The following CELF2 variants were observed in gnomAD, a reference collection of about 807,000 sequenced individuals.
CELF2 encodes CUGBP Elav-like family member 2, also known as CUG triplet repeat RNA-binding protein 2.
In CELF2, 8 loss-of-function variants were observed where a neutral mutation model predicts 62.6. The ratio of observed to expected loss-of-function variants is 0.13; its 90% CI spans 0.07 to 0.23. The LOEUF (loss-of-function observed/expected upper bound fraction) is 0.23, where lower values mean the gene tolerates loss of function less well. Ranked by LOEUF, CELF2 falls within the 10% of genes least tolerant of loss-of-function variation. CELF2 has a pLI of 1.00. For synonymous variants in CELF2, 258 were observed against 250.0 expected, an observed-to-expected ratio of 1.03 and a Z score of -0.30; for missense variants, 333 against 671.0, an observed-to-expected ratio of 0.50 and a Z score of 5.56.
chr10:11,097,058 T>C (rs150315555), intron 1 of CELF2, among the ~76,000 whole-genome samples: 324 of 152,326 alleles, frequency 2.1e-3, no homozygotes, highest in African/African-American at 7.6e-3. Flanking sequence ...AAAATGTGGC[T>C]GGAGGAGTAG....
At position 11,005,336 on chromosome 10, in the gene CELF2, T is replaced by C; in HGVS notation, c.-52T>C. On this transcript the variant is annotated 5_prime_UTR_variant, in exon 1 of 13. Coordinates refer to the CELF2 transcript ENST00000416382. This position sits in a 1 kb window ranked among gnomAD's most constrained non-coding sequence, Gnocchi z 4.3. ...TAGTGAGCAGCGACTGTGGCATTGA[T>C]GTTTGAGCATACTTCTGAACTGGCT... The C allele has an allele frequency of 6.2e-7, 1 of 1,611,644 alleles. No individual in the cohort carries two copies. Among genetic ancestry groups the C allele is most frequent in the Non-Finnish European group, 8.5e-7 (1 of 1,178,844 alleles).
the CELF2 span, among the ~76,000 whole-genome samples, chr10:10,671,699 C>A: frequency 6.6e-6 from 1 of 150,496 alleles, no homozygotes; most frequent in Non-Finnish European, 1.5e-5. Flanking sequence ...TGTGGTGAAT[C>A]TTTTCAAATG....
chr10:11,015,093 A>T (rs1237580450), upstream of CELF2, among the ~76,000 whole-genome samples: 1 of 152,194 alleles, frequency 6.6e-6, no homozygotes, highest in Non-Finnish European at 1.5e-5. The surrounding 1 kb of genome is among the most constrained non-coding windows in gnomAD (Gnocchi z 4.8). Flanking sequence ...CGAGCGTTCA[A>T]CAGCGGCCCC....
chr10:10,753,524 T>A, the CELF2 span, among the ~76,000 whole-genome samples: 3 of 152,292 alleles, frequency 2.0e-5, no homozygotes, highest in Non-Finnish European at 4.4e-5. Context: ...AATGGTGTCA[T>A]GAAAAGTGAG....
At chr10:10,804,840 A>G (rs1726009453) in intron 1 of CELF2, among the ~76,000 whole-genome samples, 3 of 152,170 alleles carry the variant, frequency 2.0e-5, no homozygotes, top group Non-Finnish European at 1.5e-5. Context: ...CATGCCGGGA[A>G]GTCTCCTAAG....
At chr10:10,765,966 C>A in the CELF2 span, among the ~76,000 whole-genome samples, 2 of 152,162 alleles carry the variant, frequency 1.3e-5, no homozygotes, top group African/African-American at 4.8e-5. Flanking sequence ...ACTGGGCCAC[C>A]CTCCCAGCTC....
At chr10:10,717,885 C>A in the CELF2 span, among the ~76,000 whole-genome samples, 1 of 151,956 alleles carries the variant, frequency 6.6e-6, no homozygotes, top group Non-Finnish European at 1.5e-5. Flanking sequence ...GGAAAATTTT[C>A]TTTGTTCCCA....
chr10:10,622,991 CAGG>C, the CELF2 span, among the ~76,000 whole-genome samples: 3 of 143,466 alleles, frequency 2.1e-5, no homozygotes, highest in Non-Finnish European at 4.5e-5. Flanking sequence ...GAGGCTGAGG[CAGG>C]AGAATGGCCT....
At chr10:11,210,734 A>G (rs2061587728) in intron 2 of CELF2, among the ~76,000 whole-genome samples, 1 of 152,196 alleles carries the variant, frequency 6.6e-6, no homozygotes, top group Non-Finnish European at 1.5e-5. Context: ...ACGCGGGGTC[A>G]GCTCCTGCCT....
At position 11,332,190 on chromosome 10, in the gene CELF2, C is replaced by G. The variant is rs945264714; in HGVS notation, c.*3137C>G. 2.6e-5 allele frequency: 4 copies of G among 152,200 alleles called. No homozygotes were observed. Among genetic ancestry groups the G allele is most frequent in the African/African-American group, 9.7e-5 (4 of 41,440 alleles). The allele number at this position is 152,200 out of a possible 1,614,324, so 9.4% of individuals were successfully genotyped here. On this transcript the variant is annotated 3_prime_UTR_variant, in exon 13 of 13. Coordinates refer to ENST00000633077, the MANE Select transcript of CELF2 (RefSeq NM_001326342.2). Reference sequence around the variant, plus strand: ...GGAGGTAGATTCAGCACCTAACAATCCTGTATGCTTTTGAGATCACGTTTA... The same window carrying G: ...GGAGGTAGATTCAGCACCTAACAATGCTGTATGCTTTTGAGATCACGTTTA...
intron 3 of CELF2, among the ~76,000 whole-genome samples, chr10:11,245,574 G>C (rs565775386): frequency 6.6e-6 from 1 of 152,348 alleles, no homozygotes; most frequent in South Asian, 2.1e-4. Context: ...ACAAAGTTCA[G>C]GTGTGCAGTG....
At chr10:11,139,152 C>G (rs2060897468) in intron 1 of CELF2, among the ~76,000 whole-genome samples, 1 of 152,254 alleles carries the variant, frequency 6.6e-6, no homozygotes, top group Non-Finnish European at 1.5e-5. Context: ...AACAGTAATG[C>G]TCTGGAGAAT....
chr10:11,024,426 C>T (rs1241131582), intron 1 of CELF2, among the ~76,000 whole-genome samples: 2 of 152,116 alleles, frequency 1.3e-5, no homozygotes, highest in Admixed American at 6.5e-5. Context: ...CATGGCAAAA[C>T]CCTGTGTCTA....
intron 1 of CELF2, among the ~76,000 whole-genome samples, chr10:11,155,216 A>T (rs1208567155): frequency 6.6e-6 from 1 of 152,218 alleles, no homozygotes; most frequent in Non-Finnish European, 1.5e-5. Context: ...ATTGAGCTTA[A>T]TGTGACCCCT....
chr10:11,263,999 A>G (rs1233123995), intron 5 of CELF2, among the ~76,000 whole-genome samples: 1 of 152,198 alleles, frequency 6.6e-6, no homozygotes, highest in South Asian at 2.1e-4. Flanking sequence ...TGAACACAGC[A>G]CACAATGCAG....
the CELF2 span, among the ~76,000 whole-genome samples, chr10:10,620,270 T>C: frequency 6.6e-6 from 1 of 151,654 alleles, no homozygotes; most frequent in Non-Finnish European, 1.5e-5. Flanking sequence ...TGGTGGCTCA[T>C]GCCTGGAATC....
At chr10:11,065,321 T>C (rs1458675003) in intron 1 of CELF2, among the ~76,000 whole-genome samples, 1 of 152,250 alleles carries the variant, frequency 6.6e-6, no homozygotes, top group Non-Finnish European at 1.5e-5. Context: ...TGTGAGATTA[T>C]CATCTTGTTT....
intron 8 of CELF2, among the ~76,000 whole-genome samples, chr10:11,288,170 C>T (rs1281127655): frequency 6.6e-6 from 1 of 152,194 alleles, no homozygotes; most frequent in Non-Finnish European, 1.5e-5. Flanking sequence ...GGGAGAACTA[C>T]GGGGTGGGAT....
chr10:11,126,385 T>A (rs888113150), intron 1 of CELF2, among the ~76,000 whole-genome samples: 1 of 152,210 alleles, frequency 6.6e-6, no homozygotes, highest in Non-Finnish European at 1.5e-5. Context: ...CAAGGTGGAC[T>A]ATAGTATTAA....
Sources: gnomAD v4.1 joint callset for allele counts (sites outside exome capture counted in the v4.1 genomes callset) on GRCh38, gnomAD v4.1.1 for gene constraint, Gnocchi (gnomAD v3.1) non-coding constraint, MANE v1.5 for transcripts, NCBI Gene and HGNC (gene_info 2026-07-23, HGNC 2026-07-21) for gene names.